Variants in PROS1 observed in about 807,000 individuals in gnomAD.
The protein encoded by PROS1 is protein S.
A neutral mutation model predicts 75.9 loss-of-function variants in PROS1; 29 were observed. The ratio of observed to expected loss-of-function variants is 0.38; its 90% CI spans 0.28 to 0.52. The LOEUF is 0.52. PROS1 is among the 20% of genes least tolerant of loss of function. The pLI, the probability that PROS1 is intolerant of heterozygous loss-of-function variation, is 0.83. For missense variants in PROS1, 680 were observed against 810.3 expected (o/e 0.84, Z 1.95); for synonymous variants, 245 against 280.6 (o/e 0.87, Z 1.27).
intron 1 of PROS1, among the ~76,000 whole-genome samples, chr3:93,943,582 T>G (rs1359899427): frequency 6.6e-6 from 1 of 152,130 alleles, no homozygotes; most frequent in Non-Finnish European, 1.5e-5. Context: ...CTGAGAAACA[T>G]TGACCATTAT....
At chr3:93,883,593 CAAAAAAA>C (rs1180906948) in intron 12 of PROS1, among the ~76,000 whole-genome samples, 1 of 143,852 alleles carries the variant, frequency 7.0e-6, no homozygotes, top group Non-Finnish European at 1.5e-5. Flanking sequence ...GACTCAGTCT[CAAAAAAA>C]AAGAAAAAAA....
At chr3:93,910,172 C>T (rs538155349) in intron 4 of PROS1, among the ~76,000 whole-genome samples, 1 of 152,154 alleles carries the variant, frequency 6.6e-6, no homozygotes, top group African/African-American at 2.4e-5. Flanking sequence ...TATCATTAGG[C>T]CCCTTGTGAA....
At chr3:93,957,889 G>A (rs1439464169) in intron 1 of PROS1, among the ~76,000 whole-genome samples, 1 of 152,000 alleles carries the variant, frequency 6.6e-6, no homozygotes, top group Non-Finnish European at 1.5e-5. Context: ...AGGAGTTCGA[G>A]ACCAGCCTGG....
Position 93,973,626 on chromosome 3 carries a change from C to G in PROS1, c.76+48G>C, listed in dbSNP as rs1398274776. 1.9e-6 allele frequency: 3 copies of G among 1,587,382 alleles called. No homozygotes were observed. The Admixed American group carries it at 5.1e-5, about 27-fold the overall frequency. The stretch of plus-strand genomic sequence containing the variant: ...ATCCTACCAACCAGGGCACGCAGTT[C>G]AGTCGACAATGCTGGGGAAGGGAGA... On this transcript the variant is annotated intron_variant, in intron 1 of 14. Transcript: ENST00000394236.
At chr3:93,928,011 A>ATATATATATTTTT (rs1235149837) in intron 1 of PROS1, among the ~76,000 whole-genome samples, 1 of 44,454 alleles carries the variant, frequency 2.2e-5, no homozygotes, top group Non-Finnish European at 3.9e-5. Flanking sequence ...ATATATATAT[A>ATATATATATTTTT]TTTTTTTTTT....
At chr3:93,910,891 T>A in intron 3 of PROS1, 186 bp from the exon 4 acceptor site, 2 of 597,112 alleles carry the variant, frequency 3.3e-6, no homozygotes, top group Non-Finnish European at 6.1e-6. Context: ...ACAAGCAAGA[T>A]GGCAACAGAT....
chr3:93,874,254 C>A lies in PROS1; in HGVS notation c.2022G>T (p.Lys674Asn), dbSNP rs764034062. 1.9e-6 allele frequency: 3 copies of A among 1,613,318 alleles called. No individual in the cohort carries two copies. Among genetic ancestry groups the A allele is most frequent in the Non-Finnish European group, 2.5e-6 (3 of 1,179,454 alleles). Residue 674 changes from lysine to asparagine, a missense_variant, in exon 15 of 15, where the codon AAG (lysine) becomes AAT (asparagine). Transcript: ENST00000394236. Reference sequence around the variant, plus strand: ...GCAGAGAAAAGATGCCTTAAGAATTCTTTGTCTTTTTCCAAACTGATGGAC... The same window carrying A: ...GCAGAGAAAAGATGCCTTAAGAATTATTTGTCTTTTTCCAAACTGATGGAC... ...HSCPSVWKKTKNS is the reference protein window; with the variant it reads ...HSCPSVWKKTNNS
Position 93,928,884 on chromosome 3 carries a change from A to G in PROS1, c.77-1477T>C, listed in dbSNP as rs1709065965. 4 of 465,952 alleles carry G rather than the reference A, an allele frequency of 8.6e-6. No individual in the cohort carries two copies. The South Asian group carries it at 8.6e-5, about 10-fold the overall frequency. The allele number at this position is 465,952 out of a possible 1,614,324, so 28.9% of individuals were successfully genotyped here. On this transcript the variant is annotated intron_variant, in intron 1 of 14. Coordinates refer to ENST00000394236, the MANE Select transcript of PROS1 (RefSeq NM_000313.4). ...AAACATTATAAAGTGTTCAAATCAA[A>G]CTATTTTAAAAATTATATTTTTGCA... is the stretch of plus-strand genomic sequence containing the variant.
intron 1 of PROS1, among the ~76,000 whole-genome samples, chr3:93,957,631 C>T (rs1339907236): frequency 6.6e-6 from 1 of 152,128 alleles, no homozygotes; most frequent in Admixed American, 6.6e-5. Context: ...TTGATCGTTT[C>T]ACAATGTATA....
intron 3 of PROS1, among the ~76,000 whole-genome samples, chr3:93,920,058 G>A (rs1250571540): frequency 6.6e-6 from 1 of 151,924 alleles, no homozygotes; most frequent in Non-Finnish European, 1.5e-5. Context: ...TGAGTTTACT[G>A]AGTTTCTCAA....
At chr3:93,927,200 G>A in intron 2 of PROS1, 50 bp downstream of exon 2, 1 of 1,606,562 alleles carries the variant, frequency 6.2e-7, no homozygotes, top group Non-Finnish European at 8.5e-7. Context: ...TGTTCAGTCT[G>A]TAGTTGTATG....
intron 4 of PROS1, among the ~76,000 whole-genome samples, chr3:93,907,985 G>A (rs1409912489): frequency 1.3e-5 from 2 of 151,956 alleles, no homozygotes; most frequent in Non-Finnish European, 2.9e-5. Context: ...CTGTCTTTAC[G>A]AAAAATACAA....
chr3:93,902,383 T>C (rs938089453), intron 6 of PROS1, among the ~76,000 whole-genome samples: 3 of 152,190 alleles, frequency 2.0e-5, no homozygotes, highest in African/African-American at 7.2e-5. Context: ...CAGGGAATTA[T>C]TTAGATCATA....
chr3:93,960,753 T>G (rs1277020929), intron 1 of PROS1, among the ~76,000 whole-genome samples: 1 of 151,940 alleles, frequency 6.6e-6, no homozygotes, highest in Non-Finnish European at 1.5e-5. Context: ...CCATCTTATC[T>G]TAACTAATAT....
At chr3:93,965,398 G>A (rs1478691567) in intron 1 of PROS1, among the ~76,000 whole-genome samples, 1 of 152,188 alleles carries the variant, frequency 6.6e-6, no homozygotes, top group African/African-American at 2.4e-5. Context: ...CTGGCTAAAG[G>A]CTTGCCATTG....
chr3:93,970,907 A>T (rs1451892714), intron 1 of PROS1, among the ~76,000 whole-genome samples: 3 of 152,134 alleles, frequency 2.0e-5, no homozygotes, highest in Non-Finnish European at 4.4e-5. Context: ...GGCTGATGGG[A>T]GGATTCCTTG....
At chr3:93,928,619 G>A in intron 1 of PROS1, 1 of 478,530 alleles carries the variant, frequency 2.1e-6, no homozygotes, top group Non-Finnish European at 3.6e-6. Context: ...TGTGATCTCT[G>A]TGGAGATTGT....
chr3:93,925,821 T>TAAA (rs35893198), intron 2 of PROS1, among the ~76,000 whole-genome samples: 12 of 107,564 alleles, frequency 1.1e-4, no homozygotes, highest in African/African-American at 2.9e-4. Context: ...AGACCCTGTC[T>TAAA]AAAAAAAAAA....
At position 93,940,903 on chromosome 3, in the gene PROS1, G is replaced by A. The variant is rs567733344; in HGVS notation, c.77-13496C>T. Among the ~76,000 whole-genome samples the A allele has an allele frequency of 1.4e-4, 21 of 152,204 alleles. No homozygotes were observed. In the East Asian group the frequency reaches 1.9e-3, roughly 14 times the overall value. On this transcript the variant is annotated intron_variant, in intron 1 of 14. Transcript: ENST00000394236. ...TCTTACAGGTTAGTTCAAGATCTGCGCCTTATCAACCAAACTGTTTTGCCT... is the reference window on the plus strand; with the variant it reads ...TCTTACAGGTTAGTTCAAGATCTGCACCTTATCAACCAAACTGTTTTGCCT...
Sources: allele counts gnomAD v4.1 joint callset (sites outside exome capture counted in the v4.1 genomes callset), GRCh38; gene constraint gnomAD v4.1.1; transcripts MANE v1.5; gene names NCBI Gene and HGNC (gene_info 2026-07-23, HGNC 2026-07-21).